The following PDE4D variants were observed in gnomAD, a reference collection of about 807,000 sequenced individuals.
PDE4D encodes phosphodiesterase 4D, also known as 3',5'-cyclic-AMP phosphodiesterase 4D.
In PDE4D, 24 loss-of-function variants were observed where a neutral mutation model predicts 87.4. That is an observed-to-expected ratio of 0.27 (90% CI 0.20 to 0.39). PDE4D has a LOEUF of 0.39. PDE4D is among the 10% of genes least tolerant of loss of function. PDE4D has a pLI of 1.00. For missense variants in PDE4D, 714 were observed against 1,041.0 expected (o/e 0.69, Z 4.32); for synonymous variants, 384 against 383.2 (o/e 1.00, Z -0.02).
At chr5:60,222,936 G>A (rs1744662174) in intron 1 of PDE4D, among the ~76,000 whole-genome samples, 1 of 152,108 alleles carries the variant, frequency 6.6e-6, no homozygotes. Context: ...GATATGAATT[G>A]TAAATTGCAC....
intron 5 of PDE4D, among the ~76,000 whole-genome samples, chr5:59,042,795 G>C (rs927100596): frequency 1.3e-5 from 2 of 152,126 alleles, no homozygotes; most frequent in Non-Finnish European, 2.9e-5. Flanking sequence ...CAATTCTTGC[G>C]GGCCAGCACT....
At chr5:58,977,770 ATTGT>A (rs775433985) in intron 11 of PDE4D, among the ~76,000 whole-genome samples, 29 of 152,322 alleles carry the variant, frequency 1.9e-4, no homozygotes, top group Non-Finnish European at 3.5e-4. Context: ...GTGTTACAGG[ATTGT>A]TTGTACTCAA....
chr5:60,179,912 C>A (rs748401781), intron 2 of PDE4D, among the ~76,000 whole-genome samples: 3 of 152,102 alleles, frequency 2.0e-5, no homozygotes, highest in Non-Finnish European at 2.9e-5. Context: ...CAAAATTTCA[C>A]TTTGTTATAG....
Position 59,704,937 on chromosome 5 carries a change from T to C in PDE4D, c.455+188231A>G, listed in dbSNP as rs74835439. On this transcript the variant is annotated intron_variant, in intron 1 of 14. Transcript: ENST00000340635. ...TTTATTTTAGTTCTCTAAAACTCTG[T>C]AATACTGAATACTCCAACTACCAAT... 3.8e-3 allele frequency among the ~76,000 whole-genome samples: 576 copies of C among 152,328 alleles called. 2 individuals are homozygous for C. Among genetic ancestry groups the C allele is most frequent in the Middle Eastern group, 0.01 (3 of 294 alleles).
chr5:59,520,642 G>T (rs764420748), intron 1 of PDE4D, among the ~76,000 whole-genome samples: 5 of 151,924 alleles, frequency 3.3e-5, no homozygotes, highest in Non-Finnish European at 5.9e-5. Context: ...TAGGAAAGAG[G>T]CCAAGTTTCA....
chr5:59,003,133 T>C (rs1025704889), intron 6 of PDE4D, among the ~76,000 whole-genome samples: 20 of 152,228 alleles, frequency 1.3e-4, no homozygotes, highest in African/African-American at 4.6e-4. Flanking sequence ...TTCTTGCCCC[T>C]GGCTTTTCCC....
intron 1 of PDE4D, among the ~76,000 whole-genome samples, chr5:59,477,395 A>G (rs2153654655): frequency 6.6e-6 from 1 of 151,504 alleles, no homozygotes; most frequent in African/African-American, 2.4e-5. Context: ...TCTACAAAAT[A>G]TGCTTACTTA....
chr5:59,424,885 A>G (rs1794981331), intron 1 of PDE4D, among the ~76,000 whole-genome samples: 1 of 152,218 alleles, frequency 6.6e-6, no homozygotes, highest in Admixed American at 6.5e-5. Flanking sequence ...TTCACATACC[A>G]GGCCAACAGG....
intron 1 of PDE4D, among the ~76,000 whole-genome samples, chr5:60,356,658 A>G (rs1759650602): frequency 6.6e-6 from 1 of 152,210 alleles, no homozygotes. Context: ...CACTTTAAAA[A>G]GTTATTTTCT....
chr5:60,025,824 G>A (rs538906974), intron 2 of PDE4D, among the ~76,000 whole-genome samples: 2 of 152,224 alleles, frequency 1.3e-5, no homozygotes, highest in African/African-American at 4.8e-5. Context: ...GTTGAACCCA[G>A]TGAGACAAGA....
At chr5:59,431,047 C>A (rs981491847) in intron 1 of PDE4D, among the ~76,000 whole-genome samples, 34 of 152,120 alleles carry the variant, frequency 2.2e-4, no homozygotes, top group African/African-American at 8.2e-4. Flanking sequence ...CTCTCAGGAA[C>A]ATAAAAACGG....
intron 1 of PDE4D, among the ~76,000 whole-genome samples, chr5:60,226,064 A>G (rs1452932259): frequency 1.3e-5 from 2 of 152,160 alleles, no homozygotes; most frequent in Non-Finnish European, 2.9e-5. Context: ...TAGAGAATAT[A>G]ATGGATATAT....
At position 60,193,628 on chromosome 5, in the gene PDE4D, C is replaced by T. The variant is rs369484899; in HGVS notation, c.-89-7941G>A. 2.0e-3 allele frequency among the ~76,000 whole-genome samples: 264 copies of T among 130,744 alleles called. 2 individuals are homozygous for T. Among genetic ancestry groups the T allele is most frequent in the African/African-American group, 6.7e-3 (230 of 34,348 alleles). The allele number at this position is 130,744 out of a possible 152,430, so 85.8% of individuals were successfully genotyped here. A position where few individuals can be genotyped will look rare whatever the true frequency, so the allele number is the denominator to read the frequency against. ...CGGAGCCTGCAGTGAGCCGAGATTG[C>T]GCCACTGCACTCCAGCCTGGGCGAC... On this transcript the variant is annotated intron_variant, in intron 1 of 16. Transcript: ENST00000502484.
At chr5:59,994,200 G>A (rs1373218462) in intron 2 of PDE4D, among the ~76,000 whole-genome samples, 1 of 151,380 alleles carries the variant, frequency 6.6e-6, no homozygotes, top group Admixed American at 6.6e-5. Flanking sequence ...AATTTCTGTG[G>A]TTCTTAATAA....
chr5:60,012,712 G>A lies in PDE4D; in HGVS notation c.43-23995C>T, dbSNP rs191188429. Among the ~76,000 whole-genome samples, 31 of 152,278 alleles carry A rather than the reference G, an allele frequency of 2.0e-4. No homozygotes were observed. The East Asian group carries it at 5.2e-3, about 26-fold the overall frequency. The stretch of plus-strand genomic sequence containing the variant: ...AGCTTCATAGCCTGACAGTTTCTGT[G>A]TGGGAGTCCCCTTTTTAGGAAAACA... On this transcript the variant is annotated intron_variant, in intron 2 of 16. Transcript: ENST00000502484.
intron 1 of PDE4D, among the ~76,000 whole-genome samples, chr5:60,406,607 T>C (rs920109906): frequency 6.6e-6 from 1 of 152,208 alleles, no homozygotes; most frequent in Non-Finnish European, 1.5e-5. Flanking sequence ...CTAAAATTTA[T>C]GATCACACTT....
chr5:58,990,018 T>A, intron 9 of PDE4D, 99 bp from the exon 10 acceptor site: 1 of 705,518 alleles, frequency 1.4e-6, no homozygotes, highest in Non-Finnish European at 2.4e-6. Context: ...GTGTTGCCAG[T>A]GGATAACCTG....
At chr5:59,351,715 G>C (rs1313369487) in intron 1 of PDE4D, among the ~76,000 whole-genome samples, 1 of 152,016 alleles carries the variant, frequency 6.6e-6, no homozygotes, top group African/African-American at 2.4e-5. Flanking sequence ...CCTCTATTTT[G>C]ATGCTTTTGC....
At chr5:60,494,807 C>T (rs771840837) in intron 1 of PDE4D, among the ~76,000 whole-genome samples, 12 of 152,208 alleles carry the variant, frequency 7.9e-5, no homozygotes, top group Non-Finnish European at 1.2e-4. Context: ...ACATTTCAGG[C>T]CTCATGAAGC....
Sources: gnomAD v4.1 joint callset for allele counts (sites outside exome capture counted in the v4.1 genomes callset) on GRCh38, gnomAD v4.1.1 for gene constraint, MANE v1.5 for transcripts, NCBI Gene and HGNC (gene_info 2026-07-23, HGNC 2026-07-21) for gene names.